The following CCDC13 variants were observed in gnomAD, a reference collection of about 807,000 sequenced individuals.
CCDC13 encodes the protein coiled-coil domain containing 13.
CCDC13 carries 70 observed loss-of-function variants against 87.3 expected under a neutral mutation model. That is an observed-to-expected ratio of 0.80 (90% CI 0.66 to 0.98). The LOEUF is 0.98. Among genes scored for constraint, CCDC13 ranks in the 50% least tolerant of loss-of-function variants. The pLI is 0.00. For missense variants in CCDC13, 842 were observed against 892.0 expected (o/e 0.94, Z 0.71); for synonymous variants, 317 against 360.3 (o/e 0.88, Z 1.36).
intron 5 of CCDC13, 85 bp downstream of exon 5, chr3:42,751,851 A>C: frequency 3.3e-6 from 4 of 1,213,184 alleles, no homozygotes; most frequent in Non-Finnish European, 4.8e-6. Flanking sequence ...GACCTCGGGT[A>C]GAGGTACCTA....
chr3:42,714,949 T>C (rs1698394785), intron 13 of CCDC13, among the ~76,000 whole-genome samples: 1 of 152,306 alleles, frequency 6.6e-6, no homozygotes, highest in East Asian at 1.9e-4. Context: ...AGAGCTGTGC[T>C]GCCCAACACA....
At chr3:42,747,786 G>A (rs1044393441) in intron 5 of CCDC13, among the ~76,000 whole-genome samples, 1 of 152,174 alleles carries the variant, frequency 6.6e-6, no homozygotes, top group Non-Finnish European at 1.5e-5. Flanking sequence ...CTCAGAGACT[G>A]GCATCACAGC....
chr3:42,771,027 C>CT (rs1193321544), intron 1 of CCDC13: 1 of 152,222 alleles, frequency 6.6e-6, no homozygotes, highest in Admixed American at 6.5e-5. Flanking sequence ...GACTCAATAA[C>CT]TTTATTCATA....
In CCDC13 at chr3:42,757,216, T is replaced by C. The variant is rs779842461; in HGVS notation, c.222-2A>G. 5.0e-6 allele frequency: 8 copies of C among 1,612,776 alleles called. No homozygotes were observed. The highest frequency in any genetic ancestry group is 1.7e-5 in the Admixed American group (1 of 59,774). On this transcript the variant is annotated splice_acceptor_variant, in intron 2 of 15. Coordinates refer to ENST00000310232, the MANE Select transcript of CCDC13 (RefSeq NM_144719.4). LOFTEE classifies it high-confidence loss of function. Reference sequence around the variant, plus strand: ...TGTTCAATCTCATCTTCAAGCACCCTACAAGGCAAAGGCAGAATTAATGCT... The same window carrying C: ...TGTTCAATCTCATCTTCAAGCACCCCACAAGGCAAAGGCAGAATTAATGCT...
In CCDC13 at chr3:42,763,452, T is replaced by C. The variant is rs1575336100; in HGVS notation, c.-6-5101A>G. 3.9e-5 allele frequency among the ~76,000 whole-genome samples: 6 copies of C among 152,168 alleles called. No individual in the cohort carries two copies. In the South Asian group the frequency reaches 1.2e-3, roughly 32 times the overall value. ...AGAATTGTAGTTTCAATATCAGATT[T>C]CCAGTGTCAACAAAAACAGTCAAAC... On this transcript the variant is annotated intron_variant, in intron 1 of 15. Coordinates refer to ENST00000310232, the MANE Select transcript of CCDC13 (RefSeq NM_144719.4).
chr3:42,709,035 T>C lies in CCDC13; in HGVS notation c.2093A>G (p.Gln698Arg), dbSNP rs367554932. 4.3e-5 allele frequency: 69 copies of C among 1,613,930 alleles called. No individual in the cohort carries two copies. The highest frequency in any genetic ancestry group is 5.6e-5 in the Non-Finnish European group (66 of 1,179,928). The change falls in exon 16 of 16, where the codon CAG (glutamine) becomes CGG (arginine). Residue 698 changes from glutamine to arginine, a missense_variant. Gln to Arg is a conservative substitution (Grantham distance 43). Transcript: ENST00000310232. Reference sequence around the variant, plus strand: ...GGCCTGCAGGAAGACACTTTTCACCTGGCCCAGGATCTCATGGTACATCCG... The same window carrying C: ...GGCCTGCAGGAAGACACTTTTCACCCGGCCCAGGATCTCATGGTACATCCG... The part of the protein sequence containing the change: ...DFRMYHEILG[Q>R]VKSVFLQALR...
intron 13 of CCDC13, among the ~76,000 whole-genome samples, chr3:42,718,630 C>A (rs763399540): frequency 2.6e-5 from 4 of 152,064 alleles, no homozygotes; most frequent in East Asian, 3.9e-4. Flanking sequence ...AGTGAGGAAA[C>A]CCCCAACTCA....
chr3:42,715,009 G>A (rs1314310709), intron 13 of CCDC13, among the ~76,000 whole-genome samples: 1 of 152,068 alleles, frequency 6.6e-6, no homozygotes, highest in Non-Finnish European at 1.5e-5. Flanking sequence ...TAAAGTTCAG[G>A]GGCTGGGCCC....
chr3:42,760,899 T>C (rs1053235741), intron 1 of CCDC13, among the ~76,000 whole-genome samples: 6 of 152,232 alleles, frequency 3.9e-5, no homozygotes, highest in African/African-American at 1.4e-4. Context: ...TGACCATGTG[T>C]ATATCTTCTT....
At chr3:42,741,278 G>C (rs1021644120) in intron 8 of CCDC13, among the ~76,000 whole-genome samples, 2 of 152,074 alleles carry the variant, frequency 1.3e-5, no homozygotes, top group African/African-American at 2.4e-5. Flanking sequence ...CACTGTCCCA[G>C]GTGTCTGGCC....
intron 3 of CCDC13, among the ~76,000 whole-genome samples, chr3:42,756,151 G>C (rs1416807250): frequency 6.6e-6 from 1 of 152,202 alleles, no homozygotes; most frequent in Non-Finnish European, 1.5e-5. Flanking sequence ...TCAAAGGCAA[G>C]GACAATAGTC....
At chr3:42,730,650 C>A in intron 12 of CCDC13, 61 bp from the exon 13 acceptor site, 1 of 1,591,220 alleles carries the variant, frequency 6.3e-7, no homozygotes, top group Non-Finnish European at 8.6e-7. Context: ...TAACACTTAC[C>A]CCTGTGATGG....
chr3:42,766,426 C>T (rs1299293445), intron 1 of CCDC13, among the ~76,000 whole-genome samples: 1 of 152,010 alleles, frequency 6.6e-6, no homozygotes, highest in Non-Finnish European at 1.5e-5. Context: ...ACGGGTTCAT[C>T]TTGCCTGCTG....
chr3:42,760,865 T>C (rs1357727314), intron 1 of CCDC13, among the ~76,000 whole-genome samples: 1 of 152,238 alleles, frequency 6.6e-6, no homozygotes, highest in Non-Finnish European at 1.5e-5. Context: ...ACTAGTTATG[T>C]TGAGCATCTT....
rs764948592 is a variant in CCDC13 at position 42,730,525 on chromosome 3, G to A, written c.1660C>T (p.Gln554Ter). 1.2e-6 allele frequency: 2 copies of A among 1,614,194 alleles called. No individual in the cohort carries two copies. Among genetic ancestry groups the A allele is most frequent in the South Asian group, 2.2e-5 (2 of 91,084 alleles). The change falls in exon 13 of 16, where the codon CAG becomes TAG. Residue 554 changes from glutamine (Q) to a stop codon, truncating the protein, a stop_gained. Coordinates refer to ENST00000310232, the MANE Select transcript of CCDC13 (RefSeq NM_144719.4). LOFTEE classifies it high-confidence loss of function. The stretch of plus-strand genomic sequence containing the variant: ...CGGTCACGCTCCACCTCGGCAGCCT[G>A]CCAGAGGGCCTTGATCTCTGACACT... Reference protein sequence around the residue: ...AQVSEIKALWQAAEVERDRLT... With the variant: ...AQVSEIKALW
intron 13 of CCDC13, among the ~76,000 whole-genome samples, chr3:42,726,254 G>A (rs1427235212): frequency 1.6e-4 from 25 of 152,024 alleles, no homozygotes; most frequent in Non-Finnish European, 1.5e-5. Flanking sequence ...GTTGGCCAGG[G>A]TGGTCTTGAA....
intron 13 of CCDC13, chr3:42,718,031 CAGT>C (rs1423551711): frequency 6.6e-6 from 1 of 152,166 alleles, no homozygotes; most frequent in African/African-American, 2.4e-5. Context: ...CTCCAAAGCA[CAGT>C]GGTTTTGTCA....
intron 3 of CCDC13, among the ~76,000 whole-genome samples, chr3:42,753,562 T>A (rs1198407616): frequency 1.3e-5 from 2 of 152,086 alleles, no homozygotes; most frequent in African/African-American, 2.4e-5. Flanking sequence ...ATCAAAGAAA[T>A]AAATATGTAT....
At chr3:42,719,682 T>G (rs989336679) in intron 13 of CCDC13, among the ~76,000 whole-genome samples, 11 of 152,178 alleles carry the variant, frequency 7.2e-5, no homozygotes, top group African/African-American at 2.4e-4. Context: ...GGATGAGGTT[T>G]CCTTCTTGTC....
Sources: gnomAD v4.1 joint callset for allele counts (sites outside exome capture counted in the v4.1 genomes callset) on GRCh38, gnomAD v4.1.1 for gene constraint, MANE v1.5 for transcripts, NCBI Gene and HGNC (gene_info 2026-07-23, HGNC 2026-07-21) for gene names.